Variants in AASS observed in about 807,000 individuals in gnomAD.
AASS encodes the protein aminoadipate-semialdehyde synthase, also known as alpha-aminoadipic semialdehyde synthase, mitochondrial.
Under a neutral mutation model 105.4 loss-of-function variants are expected in AASS, and 86 were observed. The ratio of observed to expected loss-of-function variants is 0.82; its 90% CI spans 0.69 to 0.98. The LOEUF is 0.98. Ranked by LOEUF, AASS falls within the 50% of genes least tolerant of loss-of-function variation. The pLI is 0.00. For missense variants in AASS, 1,048 were observed against 1,143.2 expected (o/e 0.92, Z 1.20); for synonymous variants, 381 against 394.8 (o/e 0.96, Z 0.41).
intron 1 of AASS, among the ~76,000 whole-genome samples, chr7:122,143,578 T>C (rs1000742595): frequency 2.0e-5 from 3 of 151,338 alleles, no homozygotes; most frequent in African/African-American, 7.3e-5. Context: ...CCATCTCCGA[T>C]CCTTGCTGGA....
chr7:122,118,458 A>G lies in AASS; in HGVS notation c.541-5T>C. 1 of 1,614,160 alleles carries G rather than the reference A, an allele frequency of 6.2e-7. No individual in the cohort carries two copies. Among genetic ancestry groups the G allele is most frequent in the Non-Finnish European group, 8.5e-7 (1 of 1,180,010 alleles). ...GTTATGAGCCATGCCAATGTGCTGA[A>G]AACAAACATACACAACTCAAGTTAG... On this transcript the variant is annotated splice_region_variant and splice_polypyrimidine_tract_variant and intron_variant, in intron 5 of 23. Coordinates refer to ENST00000417368, the MANE Select transcript of AASS (RefSeq NM_005763.4).
Position 122,075,364 on chromosome 7 carries a change from G to A in AASS, c.*1125C>T, listed in dbSNP as rs374247672. Reference sequence around the variant, plus strand: ...TTACTATGCACAAAACCACCATATCGTCTCCCATCTCTATTTAGTTATACT... The same window carrying A: ...TTACTATGCACAAAACCACCATATCATCTCCCATCTCTATTTAGTTATACT... On this transcript the variant is annotated 3_prime_UTR_variant, in exon 24 of 24. Transcript: ENST00000417368. Among the ~76,000 whole-genome samples the A allele has an allele frequency of 3.9e-5, 6 of 151,994 alleles. No homozygotes were observed. The highest frequency in any genetic ancestry group is 3.9e-4 in the East Asian group (2 of 5,168).
chr7:122,113,116 A>C lies in AASS; in HGVS notation c.1278+2T>G. The C allele has an allele frequency of 6.2e-7, 1 of 1,610,922 alleles. No individual in the cohort carries two copies. The highest frequency in any genetic ancestry group is 8.5e-7 in the Non-Finnish European group (1 of 1,177,098). On this transcript the variant is annotated splice_donor_variant, in intron 11 of 23. Transcript: ENST00000417368. LOFTEE classifies it high-confidence loss of function. ...TGTTACTGATATTACCAGTCTGCTTACCATTTCTTCAACATAAGGGTAAAG... is the reference window on the plus strand; with the variant it reads ...TGTTACTGATATTACCAGTCTGCTTCCCATTTCTTCAACATAAGGGTAAAG...
In AASS at chr7:122,090,298, A is replaced by G. The variant is rs73442820; in HGVS notation, c.2016+1405T>C. 4.6e-3 allele frequency among the ~76,000 whole-genome samples: 695 copies of G among 152,262 alleles called. 7 individuals are homozygous for G. The highest frequency in any genetic ancestry group is 0.016 in the African/African-American group (659 of 41,586). ...GCAGCTGTGATTCTCTGATCATTAAATCAGTTGTTCTCAAATTCAGCTGCA... is the reference window on the plus strand; with the variant it reads ...GCAGCTGTGATTCTCTGATCATTAAGTCAGTTGTTCTCAAATTCAGCTGCA... On this transcript the variant is annotated intron_variant, in intron 18 of 23. Transcript: ENST00000417368.
intron 1 of AASS, among the ~76,000 whole-genome samples, chr7:122,141,949 T>C (rs1229356824): frequency 6.6e-6 from 1 of 152,172 alleles, no homozygotes; most frequent in Non-Finnish European, 1.5e-5. Flanking sequence ...GCACTCTGAC[T>C]TATGAATTTC....
chr7:122,073,891 TGTG>T lies in AASS; in HGVS notation c.*2595_*2597del, dbSNP rs1472067391. Among the ~76,000 whole-genome samples, 1 of 152,230 alleles carries T rather than the reference TGTG, an allele frequency of 6.6e-6. No individual in the cohort carries two copies. The highest frequency in any genetic ancestry group is 1.5e-5 in the Non-Finnish European group (1 of 68,052). The stretch of plus-strand genomic sequence containing the variant: ...ATATGTTTTCAAGGTTTTTCCATGT[TGTG>T]GTGCATATCAGTACTTCATCTCTTT... On this transcript the variant is annotated 3_prime_UTR_variant, in exon 24 of 24. Coordinates refer to ENST00000417368, the MANE Select transcript of AASS (RefSeq NM_005763.4).
chr7:122,141,639 T>C, intron 1 of AASS, among the ~76,000 whole-genome samples: 1 of 107,280 alleles, frequency 9.3e-6, no homozygotes, highest in East Asian at 2.8e-4. Flanking sequence ...AATAAGAGAC[T>C]CACATCCCCC....
chr7:122,083,711 G>A (rs59993706), intron 19 of AASS, among the ~76,000 whole-genome samples: 1 of 151,844 alleles, frequency 6.6e-6, no homozygotes, highest in Non-Finnish European at 1.5e-5. Flanking sequence ...GATGGGGCTG[G>A]GTGGTTCAAG....
intron 18 of AASS, among the ~76,000 whole-genome samples, chr7:122,087,853 C>T (rs2150513016): frequency 6.6e-6 from 1 of 152,260 alleles, no homozygotes; most frequent in East Asian, 1.9e-4. Context: ...GCTTACCAAT[C>T]ATAAATAAAG....
intron 11 of AASS, among the ~76,000 whole-genome samples, chr7:122,103,114 T>C (rs1318199648): frequency 6.6e-6 from 1 of 152,042 alleles, no homozygotes; most frequent in East Asian, 1.9e-4. Context: ...AACATCCAAA[T>C]ATATGAAGCT....
chr7:122,104,937 C>T (rs896040299), intron 11 of AASS, among the ~76,000 whole-genome samples: 2 of 150,800 alleles, frequency 1.3e-5, no homozygotes, highest in African/African-American at 2.4e-5. Context: ...ATAAAAGTTG[C>T]AAAGAGAAAA....
At chr7:122,095,155 T>C (rs1279344972) in intron 15 of AASS, among the ~76,000 whole-genome samples, 1 of 152,068 alleles carries the variant, frequency 6.6e-6, no homozygotes, top group African/African-American at 2.4e-5. Context: ...CATTATTGAG[T>C]AGACTCCAGG....
At chr7:122,094,545 T>G (rs1157192968) in intron 15 of AASS, among the ~76,000 whole-genome samples, 1 of 152,122 alleles carries the variant, frequency 6.6e-6, no homozygotes, top group Non-Finnish European at 1.5e-5. Flanking sequence ...AAATAGTCAG[T>G]AAAAAACAAC....
chr7:122,097,227 A>G (rs1794200843), intron 15 of AASS, among the ~76,000 whole-genome samples: 1 of 151,890 alleles, frequency 6.6e-6, no homozygotes, highest in African/African-American at 2.4e-5. Context: ...CAAAGATACA[A>G]TTTGAATCTG....
Position 122,076,236 on chromosome 7 carries a change from G to A in AASS, c.*253C>T. The A allele has an allele frequency of 1.5e-5, 6 of 407,134 alleles. No homozygotes were observed. The highest frequency in any genetic ancestry group is 3.3e-5 in the South Asian group (1 of 30,404). 25.2% of individuals were successfully genotyped at this position (407,134 alleles called of 1,614,324 possible). On this transcript the variant is annotated 3_prime_UTR_variant, in exon 24 of 24. Transcript: ENST00000417368. ...AAGTGGCACAATAAATTAACAAATA[G>A]CATGATCATCACTTTCACATACGTA... is the stretch of plus-strand genomic sequence containing the variant.
rs1009794608 is a variant in AASS at position 122,091,717 on chromosome 7, G to A, written c.2002C>T (p.Leu668=). 6.2e-7 allele frequency: 1 copy of A among 1,612,610 alleles called. No homozygotes were observed. Among genetic ancestry groups the A allele is most frequent in the Admixed American group, 1.7e-5 (1 of 59,898 alleles). The change falls in exon 18 of 24, where the codon CTG becomes TTG. Residue 668 remains leucine (L), a synonymous_variant. Coordinates refer to ENST00000417368, the MANE Select transcript of AASS (RefSeq NM_005763.4). The part of the protein sequence containing the change: ...LMNVMQSATY[L]LDGKVVNVAG... ...AGATTCCTCACCTTTCCATCGAGCA[G>A]ATAGGTGGCAGACTGCATTACATTC...
intron 15 of AASS, among the ~76,000 whole-genome samples, chr7:122,096,195 T>G (rs1349862356): frequency 6.6e-6 from 1 of 152,200 alleles, no homozygotes; most frequent in Non-Finnish European, 1.5e-5. Context: ...TACTTTGTAT[T>G]AAATTAAAAA....
chr7:122,139,820 C>T (rs1335308973), intron 1 of AASS, among the ~76,000 whole-genome samples: 1 of 151,964 alleles, frequency 6.6e-6, no homozygotes. Context: ...GGCGTGGTGG[C>T]GCATGCTGGT....
chr7:122,116,728 G>T lies in AASS; in HGVS notation c.799C>A (p.Arg267Ser). The T allele has an allele frequency of 1.2e-6, 2 of 1,614,050 alleles. No homozygotes were observed. Among genetic ancestry groups the T allele is most frequent in the Non-Finnish European group, 1.7e-6 (2 of 1,179,988 alleles). Residue 267 changes from arginine (R) to serine (S), a missense_variant, in exon 8 of 24, where the codon CGT (arginine) becomes AGT (serine). Arg to Ser is a moderately radical substitution (Grantham distance 110). Transcript: ENST00000417368. The stretch of plus-strand genomic sequence containing the variant: ...GTTTTCCTGACAAGATGATGATGAC[G>T]ACTTAACACCGTCCCATACACTTTT... ...LRKVYGTVLS[R>S]HHHLVRKTDA...
Sources: gnomAD v4.1 joint callset for allele counts (sites outside exome capture counted in the v4.1 genomes callset) on GRCh38, gnomAD v4.1.1 for gene constraint, MANE v1.5 for transcripts, NCBI Gene and HGNC (gene_info 2026-07-23, HGNC 2026-07-21) for gene names.